CDHR1: variants seen among roughly 807,000 people sequenced by gnomAD.
CDHR1 encodes the protein cadherin-related family member 1.
A neutral mutation model predicts 72.1 loss-of-function variants in CDHR1; 61 were observed. That is an observed-to-expected ratio of 0.85 (90% confidence interval 0.69 to 1.05). The LOEUF is 1.05. Ranked by LOEUF, CDHR1 falls within the 50% of genes least tolerant of loss-of-function variation. The pLI, the probability that CDHR1 is intolerant of heterozygous loss-of-function variation, is 0.00. For missense variants in CDHR1, 1,186 were observed against 1,115.7 expected (o/e 1.06, Z -0.90); for synonymous variants, 470 against 448.1 (o/e 1.05, Z -0.62).
chr10:84,194,655 C>A lies in CDHR1; in HGVS notation c.-106C>A. The stretch of plus-strand genomic sequence containing the variant: ...CCCCTCCCGCCGCGGCTGCAGTCGC[C>A]GCTACCCCCATTGTGGTCTCTGCCC... On this transcript the variant is annotated 5_prime_UTR_variant, in exon 1 of 17. Coordinates refer to ENST00000623527, the MANE Select transcript of CDHR1 (RefSeq NM_033100.4). 1 of 931,564 alleles carries A rather than the reference C, an allele frequency of 1.1e-6. No homozygotes were observed. The highest frequency in any genetic ancestry group is 1.5e-6 in the Non-Finnish European group (1 of 675,172). 57.7% of individuals were successfully genotyped at this position (931,564 alleles called of 1,614,324 possible).
chr10:84,215,294 T>A lies in CDHR1; in HGVS notation c.*673T>A. The stretch of plus-strand genomic sequence containing the variant: ...GGACAGAGGACACAGAGGTGGAAGA[T>A]TGATCTTGCCAAGAGTGAGGGCAGA... On this transcript the variant is annotated 3_prime_UTR_variant, in exon 17 of 17. Transcript: ENST00000623527. The A allele has an allele frequency of 2.0e-6, 2 of 987,838 alleles. No individual in the cohort carries two copies. The highest frequency in any genetic ancestry group is 2.4e-6 in the Non-Finnish European group (2 of 831,516). 61.2% of individuals were successfully genotyped at this position (987,838 alleles called of 1,614,324 possible).
At chr10:84,196,432 G>T in intron 2 of CDHR1, 73 bp from the exon 3 acceptor site, 2 of 1,524,552 alleles carry the variant, frequency 1.3e-6, no homozygotes, top group Non-Finnish European at 1.8e-6. Context: ...TGAATCGTTG[G>T]TCCTGAGCAT....
rs933006669 is a variant in CDHR1, at chr10:84,216,139, G to C, written c.*1518G>C. On this transcript the variant is annotated 3_prime_UTR_variant, in exon 17 of 17. Coordinates refer to ENST00000623527, the MANE Select transcript of CDHR1 (RefSeq NM_033100.4). The stretch of plus-strand genomic sequence containing the variant: ...ATCAGGAAATCTACATGTGTGCACA[G>C]AGAGAGAAAAGTAGAACAGTTCTTT... The C allele has an allele frequency of 4.7e-5, 46 of 985,366 alleles. No homozygotes were observed. Among genetic ancestry groups the C allele is most frequent in the Non-Finnish European group, 1.1e-5 (9 of 829,964 alleles). 61.0% of individuals were successfully genotyped at this position (985,366 alleles called of 1,614,324 possible). A position where few individuals can be genotyped will look rare whatever the true frequency, so the allele number is the denominator to read the frequency against.
chr10:84,205,856 A>C lies in CDHR1; in HGVS notation c.892A>C (p.Thr298Pro). The C allele has an allele frequency of 6.2e-7, 1 of 1,614,008 alleles. No individual in the cohort carries two copies. Among genetic ancestry groups the C allele is most frequent in the Middle Eastern group, 1.6e-4 (1 of 6,062 alleles). The stretch of plus-strand genomic sequence containing the variant: ...CGATGGAGCCTTTGAAATTAATGAG[A>C]CATCTGGAGCCATCTCCATCACTCA... ...GNDGAFEINE[T>P]SGAISITQSP... Residue 298 changes from threonine (T) to proline (P), a missense_variant, in exon 10 of 17, where the codon ACA becomes CCA. By Grantham distance (38) the Thr-to-Pro change is conservative. Transcript: ENST00000623527.
chr10:84,217,538 A>T lies in CDHR1; in HGVS notation c.*2917A>T. On this transcript the variant is annotated 3_prime_UTR_variant, in exon 17 of 17. Transcript: ENST00000623527. ...TGGGCCTCACTTTCCTCATTAACACAGGGTGCAAAGTATGGTTGCAGAGAG... is the reference window on the plus strand; with the variant it reads ...TGGGCCTCACTTTCCTCATTAACACTGGGTGCAAAGTATGGTTGCAGAGAG... The T allele has an allele frequency of 1.0e-6, 1 of 978,834 alleles. No individual in the cohort carries two copies. The highest frequency in any genetic ancestry group is 4.7e-5 in the South Asian group (1 of 21,146). The allele number at this position is 978,834 out of a possible 1,614,324, so 60.6% of individuals were successfully genotyped here.
rs749657135 is a variant in CDHR1 at position 84,208,193 on chromosome 10, C to A, written c.983C>A (p.Ala328Glu). 5.0e-6 allele frequency: 8 copies of A among 1,614,142 alleles called. No individual in the cohort carries two copies. The Middle Eastern group carries it at 4.9e-4, about 100-fold the overall frequency. The change falls in exon 11 of 17, where the codon GCG becomes GAG. Residue 328 changes from alanine (A) to glutamate (E), a missense_variant. Ala to Glu is a moderately radical substitution (Grantham distance 107, BLOSUM62 -1). Coordinates refer to ENST00000623527, the MANE Select transcript of CDHR1 (RefSeq NM_033100.4). ...TCCCAGGTGACTGAAATGAGCCCTG[C>A]GGGGAGCCCAGCTGCCCAGGCCACC... is the stretch of plus-strand genomic sequence containing the variant. ...LHVQVTEMSP[A>E]GSPAAQATVP...
chr10:84,204,106 C>T lies in CDHR1; in HGVS notation c.784-421C>T, dbSNP rs560082068. ...ATAAAATCTTAATTCTGGGACCTCG[C>T]ATTTGAGGCCTGGCCTCTCTCCCAC... On this transcript the variant is annotated intron_variant, in intron 8 of 16. Coordinates refer to ENST00000623527, the MANE Select transcript of CDHR1 (RefSeq NM_033100.4). Among the ~76,000 whole-genome samples the T allele has an allele frequency of 7.9e-5, 12 of 152,324 alleles. No homozygotes were observed. In the South Asian group the frequency reaches 2.3e-3, roughly 29 times the overall value.
At chr10:84,205,952 C>G (rs916669767) in intron 10 of CDHR1, 25 bp downstream of exon 10, 5 of 1,559,022 alleles carry the variant, frequency 3.2e-6, no homozygotes, top group Non-Finnish European at 1.8e-6. Flanking sequence ...GCTTTGTCTT[C>G]CCTGCCCACC....
intron 6 of CDHR1, 56 bp from the exon 7 acceptor site, chr10:84,201,751 T>C (rs1290083837): frequency 6.9e-7 from 1 of 1,439,266 alleles, no homozygotes; most frequent in Non-Finnish European, 9.7e-7. Flanking sequence ...AGAGCGGGCA[T>C]TCCTGGGGCT....
downstream of CDHR1, chr10:84,219,139 A>C: frequency 6.5e-7 from 1 of 1,539,102 alleles, no homozygotes; most frequent in Middle Eastern, 1.7e-4. Flanking sequence ...GTCAGTAAGA[A>C]AACCAAAATT....
chr10:84,213,331 G>T lies in CDHR1; in HGVS notation c.2023G>T (p.Asp675Tyr). ...SFSTTALLKIDITDAETLSRS... is the reference protein window; with the variant it reads ...SFSTTALLKIYITDAETLSRS... ...CAGCACCACAGCCTTACTCAAGATT[G>T]ACATCACAGATGCTGAGGTGAGTAC... The change falls in exon 16 of 17, where the codon GAC becomes TAC. Residue 675 changes from aspartate (D) to tyrosine (Y), a missense_variant. Asp to Tyr is a radical substitution (Grantham distance 160, BLOSUM62 -3). Coordinates refer to ENST00000623527, the MANE Select transcript of CDHR1 (RefSeq NM_033100.4). 1.2e-6 allele frequency: 2 copies of T among 1,614,186 alleles called. No individual in the cohort carries two copies. Among genetic ancestry groups the T allele is most frequent in the Non-Finnish European group, 1.7e-6 (2 of 1,180,040 alleles).
intron 1 of CDHR1, among the ~76,000 whole-genome samples, 175 bp downstream of exon 1, chr10:84,194,990 G>A (rs1291429274): frequency 6.6e-6 from 1 of 152,222 alleles, no homozygotes; most frequent in Non-Finnish European, 1.5e-5. Context: ...GTGGGGAGTG[G>A]GGTAGCGGAG....
chr10:84,205,507 C>T (rs1333707466), intron 9 of CDHR1, among the ~76,000 whole-genome samples: 1 of 129,872 alleles, frequency 7.7e-6, no homozygotes, highest in Non-Finnish European at 1.6e-5. Context: ...CTTCCTTTCT[C>T]TTTTCTTCAC....
At position 84,216,232 on chromosome 10, in the gene CDHR1, G is replaced by C. The variant is rs1335068010; in HGVS notation, c.*1611G>C. The C allele has an allele frequency of 3.0e-6, 3 of 985,388 alleles. No individual in the cohort carries two copies. The highest frequency in any genetic ancestry group is 6.1e-5 in the Admixed American group (1 of 16,266). 61.0% of individuals were successfully genotyped at this position (985,388 alleles called of 1,614,324 possible). A position where few individuals can be genotyped will look rare whatever the true frequency, so the allele number is the denominator to read the frequency against. ...GTGATTTCATTTAAAGAGATTGTATGCATTTGTGGCTTTCCTGATTTCTGA... is the reference window on the plus strand; with the variant it reads ...GTGATTTCATTTAAAGAGATTGTATCCATTTGTGGCTTTCCTGATTTCTGA... On this transcript the variant is annotated 3_prime_UTR_variant, in exon 17 of 17. Transcript: ENST00000623527.
chr10:84,214,527 C>T lies in CDHR1; in HGVS notation c.2486C>T (p.Pro829Leu). 6.2e-7 allele frequency: 1 copy of T among 1,603,858 alleles called. No homozygotes were observed. The highest frequency in any genetic ancestry group is 8.5e-7 in the Non-Finnish European group (1 of 1,179,844). The change falls in exon 17 of 17, where the codon CCC (proline) becomes CTC (leucine). Residue 829 changes from proline to leucine, a missense_variant. Transcript: ENST00000623527. ...CAGCCGACCCAACCCCCGCCAAAAC[C>T]CAAAACTATGGGAAGCCCCGTCCAG... Reference protein sequence around the residue: ...TPQPTQPPPKPKTMGSPVQST... With the variant: ...TPQPTQPPPKLKTMGSPVQST...
At chr10:84,197,931 G>A (rs1842057395) in intron 4 of CDHR1, 95 bp downstream of exon 4, 1 of 1,215,612 alleles carries the variant, frequency 8.2e-7, no homozygotes, top group African/African-American at 1.5e-5. Context: ...CTTCATGGGG[G>A]CTTTTCTGCA....
chr10:84,211,850 G>A (rs969964782), intron 14 of CDHR1, 135 bp downstream of exon 14: 132 of 829,924 alleles, frequency 1.6e-4, no homozygotes, highest in Admixed American at 5.8e-4. Flanking sequence ...GAGAGAGGCA[G>A]TGGAAAGCTG....
intron 4 of CDHR1, 147 bp from the exon 5 acceptor site, chr10:84,198,885 T>G: frequency 1.4e-6 from 1 of 713,568 alleles, no homozygotes; most frequent in Admixed American, 2.1e-5. Flanking sequence ...TTTATTGCAT[T>G]AATGAATAAA....
downstream of CDHR1, chr10:84,219,465 T>C (rs1842476270): frequency 1.0e-6 from 1 of 959,662 alleles, no homozygotes; most frequent in Non-Finnish European, 1.4e-6. Flanking sequence ...ACCAAGCTTC[T>C]TTTGCTTGGC....
Sources: gnomAD v4.1 joint callset for allele counts (sites outside exome capture counted in the v4.1 genomes callset) on GRCh38, gnomAD v4.1.1 for gene constraint, MANE v1.5 for transcripts, NCBI Gene and HGNC (gene_info 2026-07-23, HGNC 2026-07-21) for gene names.